The following JAM2 variants were observed in gnomAD, a reference collection of about 807,000 sequenced individuals.
JAM2 encodes the protein junctional adhesion molecule B.
A neutral mutation model predicts 42.0 loss-of-function variants in JAM2; 17 were observed. That is an observed-to-expected ratio of 0.40 (90% confidence interval 0.28 to 0.61). JAM2 has a LOEUF of 0.61. JAM2 is among the 20% of genes least tolerant of loss of function. The pLI is 0.37. For missense variants in JAM2, 319 were observed against 358.3 expected (o/e 0.89, Z 0.89); for synonymous variants, 118 against 128.6 (o/e 0.92, Z 0.56).
rs534379270 is a variant in JAM2 at position 25,696,257 on chromosome 21, G to A, written c.394+2349G>A. ...ACGAAAACCAGTCAGGCGTGGCGGCGCGCGCCTGCAATCCCAGGCGCTCGG... is the reference window on the plus strand; with the variant it reads ...ACGAAAACCAGTCAGGCGTGGCGGCACGCGCCTGCAATCCCAGGCGCTCGG... On this transcript the variant is annotated intron_variant, in intron 4 of 9. Coordinates refer to ENST00000480456, the MANE Select transcript of JAM2 (RefSeq NM_021219.4). 3.0e-4 allele frequency among the ~76,000 whole-genome samples: 45 copies of A among 152,292 alleles called. 1 individual carries two copies. The South Asian group carries it at 5.0e-3, about 17-fold the overall frequency.
intron 1 of JAM2, among the ~76,000 whole-genome samples, chr21:25,663,453 C>T (rs1367494201): frequency 6.6e-6 from 1 of 152,188 alleles, no homozygotes; most frequent in Non-Finnish European, 1.5e-5. Context: ...CTTCAAGACT[C>T]ATGTTGAAAC....
chr21:25,645,997 A>G (rs2032598482), intron 1 of JAM2, among the ~76,000 whole-genome samples: 1 of 152,228 alleles, frequency 6.6e-6, no homozygotes, highest in Non-Finnish European at 1.5e-5. Flanking sequence ...TCAGTGAGTG[A>G]GTGGTGAGTG....
intron 5 of JAM2, among the ~76,000 whole-genome samples, chr21:25,700,427 C>G (rs1193211444): frequency 2.0e-5 from 3 of 152,304 alleles, no homozygotes; most frequent in Admixed American, 6.5e-5. Flanking sequence ...TTGACGCAGT[C>G]TTGGCTCACT....
At chr21:25,646,367 AG>A (rs2032611474) in intron 1 of JAM2, among the ~76,000 whole-genome samples, 1 of 152,152 alleles carries the variant, frequency 6.6e-6, no homozygotes, top group African/African-American at 2.4e-5. Context: ...ATGAAACAGT[AG>A]CTCTTTTGGT....
chr21:25,699,724 A>G (rs1462154869), intron 5 of JAM2, among the ~76,000 whole-genome samples: 1 of 37,342 alleles, frequency 2.7e-5, no homozygotes. Context: ...CTCCGTCTCA[A>G]AAAAAAAAAA....
chr21:25,701,632 A>G lies in JAM2; in HGVS notation c.598-538A>G, dbSNP rs538483100. Among the ~76,000 whole-genome samples the G allele has an allele frequency of 2.0e-4, 30 of 152,358 alleles. 1 individual carries two copies. The highest frequency in any genetic ancestry group is 3.4e-3 in the Middle Eastern group (1 of 294). The stretch of plus-strand genomic sequence containing the variant: ...TTCTTTTCAAATTTAAAAAAATTCT[A>G]GAGTTGATAGAATCGACAATCCTAT... On this transcript the variant is annotated intron_variant, in intron 5 of 9. Coordinates refer to ENST00000480456, the MANE Select transcript of JAM2 (RefSeq NM_021219.4).
At position 25,650,429 on chromosome 21, in the gene JAM2, T is replaced by G. The variant is rs532697074; in HGVS notation, c.67+10541T>G. On this transcript the variant is annotated intron_variant, in intron 1 of 9. Transcript: ENST00000480456. ...AGAATCTCATTCAGCATTAGGCAAATGCCAAAATCAGATACATGTAAGAAT... is the reference window on the plus strand; with the variant it reads ...AGAATCTCATTCAGCATTAGGCAAAGGCCAAAATCAGATACATGTAAGAAT... 2.6e-5 allele frequency among the ~76,000 whole-genome samples: 4 copies of G among 152,310 alleles called. No individual in the cohort carries two copies. The South Asian group carries it at 8.3e-4, about 32-fold the overall frequency.
rs1359477247 is a variant in JAM2, at chr21:25,665,811, C to T, written c.68-18072C>T. 2.0e-5 allele frequency among the ~76,000 whole-genome samples: 3 copies of T among 151,970 alleles called. 1 individual carries two copies. Among genetic ancestry groups the T allele is most frequent in the South Asian group, 4.2e-4 (2 of 4,814 alleles). On this transcript the variant is annotated intron_variant, in intron 1 of 9. Transcript: ENST00000480456. ...ATCCCAGCACTTTGGGAGGCCGAGG[C>T]GGGTGGATTACTTGAGGTCAGGAGT...
intron 1 of JAM2, among the ~76,000 whole-genome samples, chr21:25,648,815 T>C (rs2032687212): frequency 6.6e-6 from 1 of 152,246 alleles, no homozygotes; most frequent in Non-Finnish European, 1.5e-5. Context: ...CGTTGGTACC[T>C]AGAGTACTGC....
intron 1 of JAM2, among the ~76,000 whole-genome samples, chr21:25,665,333 T>C (rs1256172525): frequency 6.6e-6 from 1 of 152,204 alleles, no homozygotes; most frequent in East Asian, 1.9e-4. Context: ...CAAAATAGAC[T>C]ATGGAACACT....
chr21:25,704,926 G>T (rs2034241125), intron 6 of JAM2, among the ~76,000 whole-genome samples: 1 of 152,108 alleles, frequency 6.6e-6, no homozygotes, highest in South Asian at 2.1e-4. Context: ...AGCTTGGAAG[G>T]TTAATAATGT....
At chr21:25,654,314 G>A (rs1363978243) in intron 1 of JAM2, among the ~76,000 whole-genome samples, 2 of 152,150 alleles carry the variant, frequency 1.3e-5, no homozygotes, top group Non-Finnish European at 2.9e-5. Context: ...GGATCAGTCT[G>A]TTATCACCTG....
At chr21:25,658,332 T>C (rs940915202) in intron 1 of JAM2, among the ~76,000 whole-genome samples, 12 of 152,126 alleles carry the variant, frequency 7.9e-5, no homozygotes, top group Non-Finnish European at 1.5e-5. Flanking sequence ...TATATATATA[T>C]ATTTCAGGAA....
At chr21:25,701,797 G>A (rs1029893244) in intron 5 of JAM2, among the ~76,000 whole-genome samples, 1 of 152,090 alleles carries the variant, frequency 6.6e-6, no homozygotes, top group Non-Finnish European at 1.5e-5. Context: ...TTTTACCAGG[G>A]AGGCCTGCCC....
chr21:25,655,350 A>ATTTTTTTTTTT (rs751257378), intron 1 of JAM2, among the ~76,000 whole-genome samples: 54 of 100,184 alleles, frequency 5.4e-4, no homozygotes, highest in African/African-American at 1.4e-3. Context: ...CTGAAATTCT[A>ATTTTTTTTTTT]TTTTTTTTTT....
intron 7 of JAM2, among the ~76,000 whole-genome samples, chr21:25,706,706 A>G (rs1001712252): frequency 1.1e-4 from 16 of 152,068 alleles, no homozygotes; most frequent in African/African-American, 3.9e-4. Context: ...ATGTGAACGG[A>G]TATTTATAGT....
intron 9 of JAM2, among the ~76,000 whole-genome samples, chr21:25,714,023 G>C (rs1292156307): frequency 6.6e-6 from 1 of 152,198 alleles, no homozygotes; most frequent in African/African-American, 2.4e-5. Flanking sequence ...GTAAGGTGCT[G>C]TCCTGTACAT....
chr21:25,678,418 A>G (rs1295535860), intron 1 of JAM2, among the ~76,000 whole-genome samples: 1 of 152,168 alleles, frequency 6.6e-6, no homozygotes, highest in Non-Finnish European at 1.5e-5. Flanking sequence ...GAAATAAAGG[A>G]ATGCAGGAGA....
chr21:25,639,952 C>G lies in JAM2; in HGVS notation c.67+64C>G, dbSNP rs572961925. 1.6e-5 allele frequency: 19 copies of G among 1,186,246 alleles called. 1 individual carries two copies. In the South Asian group the frequency reaches 2.6e-4, roughly 16 times the overall value. 73.5% of individuals were successfully genotyped at this position (1,186,246 alleles called of 1,614,324 possible). On this transcript the variant is annotated intron_variant, in intron 1 of 9. Transcript: ENST00000480456. ...CAGCCTGCCCCCACCCTCCAGCCCC[C>G]CACGGGGCGCTGGCTGACAGTGTCT...
Sources: gnomAD v4.1 joint callset for allele counts (sites outside exome capture counted in the v4.1 genomes callset) on GRCh38, gnomAD v4.1.1 for gene constraint, MANE v1.5 for transcripts, NCBI Gene and HGNC (gene_info 2026-07-23, HGNC 2026-07-21) for gene names.